KANSL3: variants seen among roughly 807,000 people sequenced by gnomAD.
The protein encoded by KANSL3 is NSL complex protein NSL3.
Under a neutral mutation model 89.2 loss-of-function variants are expected in KANSL3, and 16 were observed. The ratio of observed to expected loss-of-function variants is 0.18; its 90% CI spans 0.12 to 0.27. The LOEUF (loss-of-function observed/expected upper bound fraction) is 0.27. Among genes scored for constraint, KANSL3 ranks in the 10% least tolerant of loss-of-function variants. KANSL3 has a pLI of 1.00. For synonymous variants in KANSL3, 385 were observed against 419.7 expected (o/e 0.92, Z 1.01); for missense variants, 879 against 1,110.6 (o/e 0.79, Z 2.96).
downstream of KANSL3, chr2:96,593,171 G>A (rs569126884): frequency 1.4e-4 from 64 of 444,164 alleles, no homozygotes; most frequent in South Asian, 1.0e-3. Context: ...CAATCCAAAT[G>A]TTGTTTTTGG....
Position 96,619,350 on chromosome 2 carries a change from CAG to C in KANSL3, c.663+7_663+8del, listed in dbSNP as rs2070819824. On this transcript the variant is annotated splice_region_variant and intron_variant, in intron 5 of 20. Coordinates refer to ENST00000431828, the MANE Select transcript of KANSL3 (RefSeq NM_001115016.3). Reference sequence around the variant, plus strand: ...CCTAGGACAGGGCAGACCCCAATCACAGCCTTACCTTCCCCTTCAGCGTCTGC... The same window carrying C: ...CCTAGGACAGGGCAGACCCCAATCACCCTTACCTTCCCCTTCAGCGTCTGC... The C allele has an allele frequency of 2.5e-6, 4 of 1,605,852 alleles. No individual in the cohort carries two copies. The highest frequency in any genetic ancestry group is 3.4e-6 in the Non-Finnish European group (4 of 1,175,456).
At chr2:96,590,220 G>A (rs187527838), downstream of KANSL3, among the ~76,000 whole-genome samples, 100 of 151,572 alleles carry the variant, frequency 6.6e-4, 1 homozygote, top group East Asian at 0.014. Context: ...CAGGAATGCC[G>A]AGAAAATGAA....
chr2:96,613,120 T>A (rs2105512326), intron 6 of KANSL3, among the ~76,000 whole-genome samples, 186 bp from the exon 7 acceptor site: 1 of 152,344 alleles, frequency 6.6e-6, no homozygotes, highest in African/African-American at 2.4e-5. Flanking sequence ...GGCTCACACC[T>A]GCAATCCCAG....
the KANSL3 span, among the ~76,000 whole-genome samples, chr2:96,583,112 TAC>T: frequency 1.3e-5 from 2 of 152,232 alleles, no homozygotes; most frequent in African/African-American, 2.4e-5. Context: ...CTCTGCATGG[TAC>T]AGACTATGGT....
intron 20 of KANSL3, chr2:96,600,941 T>C: frequency 1.0e-6 from 1 of 959,860 alleles, no homozygotes; most frequent in Non-Finnish European, 1.2e-6. Context: ...ACCTTGGAGT[T>C]CAAGGCCAGC....
intron 1 of KANSL3, 34 bp from the exon 2 acceptor site, chr2:96,637,219 A>G: frequency 1.2e-6 from 1 of 811,624 alleles, no homozygotes; most frequent in Non-Finnish European, 2.0e-6. Flanking sequence ...GGTCAATTCC[A>G]ATATCCTAAA....
At chr2:96,614,063 A>G (rs910435032) in intron 5 of KANSL3, among the ~76,000 whole-genome samples, 3 of 152,192 alleles carry the variant, frequency 2.0e-5, no homozygotes, top group Non-Finnish European at 4.4e-5. Context: ...ACCTAATTGG[A>G]TATTAAAGAT....
At chr2:96,609,134 T>C in intron 12 of KANSL3, 70 bp from the exon 13 acceptor site, 2 of 1,353,282 alleles carry the variant, frequency 1.5e-6, no homozygotes, top group Non-Finnish European at 2.1e-6. Flanking sequence ...TCATATACTT[T>C]CCAACTAAAA....
chr2:96,609,309 C>T (rs560575648), intron 12 of KANSL3, among the ~76,000 whole-genome samples, 190 bp downstream of exon 12: 1 of 152,294 alleles, frequency 6.6e-6, no homozygotes, highest in East Asian at 1.9e-4. Flanking sequence ...TTTTCCAACA[C>T]TCTCCCCCGT....
intron 14 of KANSL3, among the ~76,000 whole-genome samples, chr2:96,608,304 T>C (rs565194772): frequency 1.3e-5 from 2 of 152,300 alleles, no homozygotes; most frequent in Admixed American, 6.5e-5. Flanking sequence ...AAGCTATAAC[T>C]AGTGATCACA....
chr2:96,604,455 G>A, intron 16 of KANSL3, 75 bp from the exon 17 acceptor site: 2 of 1,531,794 alleles, frequency 1.3e-6, no homozygotes, highest in Non-Finnish European at 1.8e-6. Context: ...GCAGGGTACA[G>A]AGTGGGGCCC....
Position 96,627,944 on chromosome 2 carries a change from T to G in KANSL3, c.386+3368A>C, listed in dbSNP as rs1399707033. On this transcript the variant is annotated intron_variant, in intron 3 of 20. Coordinates refer to ENST00000431828, the MANE Select transcript of KANSL3 (RefSeq NM_001115016.3). ...TACCAAAAGAGATGGTGTGTAAGCC[T>G]GCTGCCAATGAGAGAAGGCCTCCAA... 3 of 1,289,900 alleles carry G rather than the reference T, an allele frequency of 2.3e-6. No homozygotes were observed. In the South Asian group the frequency reaches 3.7e-5, roughly 16 times the overall value. The allele number at this position is 1,289,900 out of a possible 1,614,324, so 79.9% of individuals were successfully genotyped here.
Position 96,619,719 on chromosome 2 carries a change from G to A in KANSL3, c.430C>T (p.Leu144Phe). The A allele has an allele frequency of 6.4e-7, 1 of 1,562,238 alleles. No homozygotes were observed. The highest frequency in any genetic ancestry group is 1.4e-5 in the African/African-American group (1 of 73,688). ...AGCCGGTCAGACTGCAGGGCTTTGA[G>A]GATCTTGTTGAATAGCTTGTTCTGG... ...MAQNKLFNKI[L>F]KALQSDRLAR... The change falls in exon 4 of 21, where the codon CTC becomes TTC. Residue 144 changes from leucine (L) to phenylalanine (F), a missense_variant. Leu to Phe is a conservative substitution (Grantham distance 22). Coordinates refer to ENST00000431828, the MANE Select transcript of KANSL3 (RefSeq NM_001115016.3).
At chr2:96,628,331 C>T (rs975048744) in intron 3 of KANSL3, 29 of 799,604 alleles carry the variant, frequency 3.6e-5, no homozygotes, top group Admixed American at 3.1e-4. Context: ...GTCTCTTATG[C>T]TTTGCAGTTA....
chr2:96,609,442 TA>T, intron 12 of KANSL3, 56 bp downstream of exon 12: 4 of 1,532,078 alleles, frequency 2.6e-6, no homozygotes, highest in Non-Finnish European at 3.6e-6. Context: ...AGACCAAACC[TA>T]AAAGGCTACA....
At chr2:96,618,191 G>A (rs1157866696) in intron 5 of KANSL3, among the ~76,000 whole-genome samples, 1 of 150,754 alleles carries the variant, frequency 6.6e-6, no homozygotes, top group Non-Finnish European at 1.5e-5. Flanking sequence ...AGACAACTTG[G>A]ATTGATTTGG....
At chr2:96,611,018 G>A (rs756068348) in intron 10 of KANSL3, 46 bp downstream of exon 10, 23 of 1,589,790 alleles carry the variant, frequency 1.4e-5, no homozygotes, top group South Asian at 9.9e-5. Flanking sequence ...GCACACTCGC[G>A]CTCCCACTGC....
intron 3 of KANSL3, among the ~76,000 whole-genome samples, chr2:96,625,760 T>C (rs968138930): frequency 6.6e-6 from 1 of 152,184 alleles, no homozygotes; most frequent in Non-Finnish European, 1.5e-5. Flanking sequence ...AATTGAAACA[T>C]GATCTCTATA....
Position 96,631,502 on chromosome 2 carries a change from T to C in KANSL3, c.216-20A>G. On this transcript the variant is annotated intron_variant, in intron 2 of 20. Transcript: ENST00000431828. Reference sequence around the variant, plus strand: ...GATTCACTGTAAACAGGTGAGGAAATAGGACCGGGCCACACATACTTCACA... The same window carrying C: ...GATTCACTGTAAACAGGTGAGGAAACAGGACCGGGCCACACATACTTCACA... 1 of 1,554,804 alleles carries C rather than the reference T, an allele frequency of 6.4e-7. No homozygotes were observed. The highest frequency in any genetic ancestry group is 1.2e-5 in the South Asian group (1 of 84,300).
Sources: gnomAD v4.1 joint callset for allele counts (sites outside exome capture counted in the v4.1 genomes callset) on GRCh38, gnomAD v4.1.1 for gene constraint, MANE v1.5 for transcripts, NCBI Gene and HGNC (gene_info 2026-07-23, HGNC 2026-07-21) for gene names.